PCDHGB3: variants seen among roughly 807,000 people sequenced by gnomAD.
The protein encoded by PCDHGB3 is protocadherin gamma-B3.
Under a neutral mutation model 59.2 loss-of-function variants are expected in PCDHGB3, and 40 were observed. The ratio of observed to expected loss-of-function variants is 0.68; its 90% CI spans 0.52 to 0.88. The LOEUF (loss-of-function observed/expected upper bound fraction) is 0.88, where lower values mean the gene tolerates loss of function less well. Among genes scored for constraint, PCDHGB3 ranks in the 40% least tolerant of loss-of-function variants. The pLI, the probability that PCDHGB3 is intolerant of heterozygous loss-of-function variation, is 0.00. For missense variants in PCDHGB3, 1,309 were observed against 1,187.9 expected (o/e 1.10, Z -1.50); for synonymous variants, 581 against 503.6 (o/e 1.15, Z -2.06).
chr5:141,413,302 T>C (rs746274089), intron 1 of PCDHGB3: 2 of 1,613,960 alleles, frequency 1.2e-6, no homozygotes, highest in Non-Finnish European at 8.5e-7. Context: ...TCCTGAGGAA[T>C]TAGAGAAAGG....
At position 141,371,107 on chromosome 5, in the gene PCDHGB3, A is replaced by AC. The variant is rs1370451724; in HGVS notation, c.719dup (p.Val241SerfsTer28). 8 of 1,613,532 alleles carry AC rather than the reference A, an allele frequency of 5.0e-6. No homozygotes were observed. The highest frequency in any genetic ancestry group is 2.2e-5 in the East Asian group (1 of 44,878). On this transcript the variant is annotated frameshift_variant, in exon 1 of 4. Coordinates refer to ENST00000576222, the MANE Select transcript of PCDHGB3 (RefSeq NM_018924.5). LOFTEE classifies it high-confidence loss of function. ...GTAATTGTCGCAGATGCAAATGATA[A>AC]CCCCCCAGTATTTACTCAGGACATG...
rs2099402935 is a variant in PCDHGB3, at chr5:141,476,991, G to A, written c.2416-17816G>A. On this transcript the variant is annotated intron_variant, in intron 1 of 3. Transcript: ENST00000576222. The surrounding 1 kb of genome is among the most constrained non-coding windows in gnomAD (Gnocchi z 7.6). ...GGCAGCCACAACCGCGCCGGCGTGC[G>A]GCAACTATTCGCCTTAGACCTTGTA... 4 of 1,614,094 alleles carry A rather than the reference G, an allele frequency of 2.5e-6. No homozygotes were observed. Among genetic ancestry groups the A allele is most frequent in the Non-Finnish European group, 3.4e-6 (4 of 1,180,056 alleles).
chr5:141,386,921 A>G (rs2090747482), intron 1 of PCDHGB3, among the ~76,000 whole-genome samples: 1 of 152,228 alleles, frequency 6.6e-6, no homozygotes. Flanking sequence ...GGAATGTAAA[A>G]TAAGTGCAGA....
chr5:141,434,440 T>C (rs1283641379), intron 1 of PCDHGB3, among the ~76,000 whole-genome samples: 2 of 152,238 alleles, frequency 1.3e-5, no homozygotes, highest in Non-Finnish European at 2.9e-5. Flanking sequence ...GTAATGCCCA[T>C]GCTGGAAGGT....
rs188373658 is a variant in PCDHGB3 at position 141,492,228 on chromosome 5, C to T, written c.2416-2579C>T. ...TGCGCGCGGGGCTCATGCGTGTCCT[C>T]CCTGCTGGCCACCCCCACGGCCCAC... On this transcript the variant is annotated intron_variant, in intron 1 of 3. Coordinates refer to ENST00000576222, the MANE Select transcript of PCDHGB3 (RefSeq NM_018924.5). Among the ~76,000 whole-genome samples the T allele has an allele frequency of 5.3e-5, 8 of 152,292 alleles. No individual in the cohort carries two copies. In the East Asian group the frequency reaches 1.2e-3, roughly 22 times the overall value.
intron 1 of PCDHGB3, chr5:141,397,890 A>G: frequency 3.2e-6 from 2 of 628,782 alleles, no homozygotes; most frequent in Non-Finnish European, 5.3e-6. Context: ...GCTGTTGGCC[A>G]AAGTGCAGAG....
chr5:141,405,124 G>A (rs1490821452), intron 1 of PCDHGB3: 2 of 1,614,020 alleles, frequency 1.2e-6, no homozygotes, highest in Admixed American at 3.3e-5. Context: ...CCTCGCATCT[G>A]CTGCGGGCTA....
At position 141,511,345 on chromosome 5, in the gene PCDHGB3, T is replaced by A; in HGVS notation, c.*172T>A. The A allele has an allele frequency of 7.8e-6, 11 of 1,410,508 alleles. No individual in the cohort carries two copies. The highest frequency in any genetic ancestry group is 1.0e-5 in the Non-Finnish European group (11 of 1,060,682). 87.4% of individuals were successfully genotyped at this position (1,410,508 alleles called of 1,614,324 possible). ...AAGTGCCCAGTCAGCACCTACCCCT[T>A]CCCCCCCAGGGGGTTGAATATGCAA... On this transcript the variant is annotated 3_prime_UTR_variant, in exon 4 of 4. Transcript: ENST00000576222.
intron 1 of PCDHGB3, chr5:141,409,367 G>A: frequency 1.9e-6 from 3 of 1,614,000 alleles, no homozygotes; most frequent in Non-Finnish European, 2.5e-6. Context: ...TATAGAAACA[G>A]ACATTCCATT....
chr5:141,445,302 A>C (rs2098462947), intron 1 of PCDHGB3, among the ~76,000 whole-genome samples: 1 of 152,220 alleles, frequency 6.6e-6, no homozygotes, highest in African/African-American at 2.4e-5. Flanking sequence ...CATTCTCTTC[A>C]GTTTGTAGGT....
rs1369821635 is a variant in PCDHGB3, at chr5:141,512,208, G to T, written c.*1035G>T. ...TTCAGTCCAAGGAAGCTCGAAGCAG[G>T]TTTAGGACCAGGTCCCCTTGAGAGG... On this transcript the variant is annotated 3_prime_UTR_variant, in exon 4 of 4. Coordinates refer to ENST00000576222, the MANE Select transcript of PCDHGB3 (RefSeq NM_018924.5). 6.5e-6 allele frequency: 1 copy of T among 152,758 alleles called. No homozygotes were observed. The highest frequency in any genetic ancestry group is 2.4e-5 in the African/African-American group (1 of 41,454). The allele number at this position is 152,758 out of a possible 1,614,324, so 9.5% of individuals were successfully genotyped here.
At position 141,419,726 on chromosome 5, in the gene PCDHGB3, A is replaced by AC. The variant is rs757890106; in HGVS notation, c.2415+46918dup. On this transcript the variant is annotated intron_variant, in intron 1 of 3. Coordinates refer to ENST00000576222, the MANE Select transcript of PCDHGB3 (RefSeq NM_018924.5). ...CGGGCTCTTCAGCCTGGGGCTGCGA[A>AC]CAGGCGAGGTGCGCATGGTGCGTGC... 3.1e-6 allele frequency: 5 copies of AC among 1,613,402 alleles called. No individual in the cohort carries two copies. The Admixed American group carries it at 8.3e-5, about 27-fold the overall frequency.
intron 1 of PCDHGB3, chr5:141,399,784 G>A: frequency 6.2e-7 from 1 of 1,613,288 alleles, no homozygotes; most frequent in Non-Finnish European, 8.5e-7. Context: ...CGACCGAAAC[G>A]ACAACGCACC....
chr5:141,423,106 G>T lies in PCDHGB3; in HGVS notation c.2415+50297G>T, dbSNP rs562864937. On this transcript the variant is annotated intron_variant, in intron 1 of 3. Coordinates refer to ENST00000576222, the MANE Select transcript of PCDHGB3 (RefSeq NM_018924.5). ...CGCGGTGGGGGAGCACACGGGCGAGGTGCGTACAGCGCGGGCACTGCTGGA... is the reference window on the plus strand; with the variant it reads ...CGCGGTGGGGGAGCACACGGGCGAGTTGCGTACAGCGCGGGCACTGCTGGA... The T allele has an allele frequency of 1.2e-5, 19 of 1,613,894 alleles. No individual in the cohort carries two copies. The African/African-American group carries it at 2.1e-4, about 18-fold the overall frequency.
intron 1 of PCDHGB3, chr5:141,405,288 T>C: frequency 6.2e-7 from 1 of 1,614,110 alleles, no homozygotes; most frequent in African/African-American, 1.3e-5. Context: ...GCAGACACAC[T>C]CATCAGCCAG....
rs1366394152 is a variant in PCDHGB3 at position 141,372,199 on chromosome 5, C to A, written c.1805C>A (p.Ala602Asp). 1 of 1,613,572 alleles carries A rather than the reference C, an allele frequency of 6.2e-7. No individual in the cohort carries two copies. The highest frequency in any genetic ancestry group is 8.5e-7 in the Non-Finnish European group (1 of 1,179,910). The change falls in exon 1 of 4, where the codon GCC (alanine) becomes GAC (aspartate). Residue 602 changes from alanine to aspartate, a missense_variant. Coordinates refer to ENST00000576222, the MANE Select transcript of PCDHGB3 (RefSeq NM_018924.5). ...VAVDADSGYN[A>D]WLSYHIVQAS... ...GTGGACGCAGACTCGGGATACAACGCCTGGCTGTCCTACCACATTGTGCAG... is the reference window on the plus strand; with the variant it reads ...GTGGACGCAGACTCGGGATACAACGACTGGCTGTCCTACCACATTGTGCAG...
intron 1 of PCDHGB3, among the ~76,000 whole-genome samples, chr5:141,405,840 A>G (rs1005736499): frequency 6.6e-6 from 1 of 152,188 alleles, no homozygotes; most frequent in African/African-American, 2.4e-5. Flanking sequence ...GTATAAGTTG[A>G]TATCAGTGTG....
At chr5:141,437,862 C>T (rs535370570) in intron 1 of PCDHGB3, among the ~76,000 whole-genome samples, 5 of 152,002 alleles carry the variant, frequency 3.3e-5, no homozygotes, top group African/African-American at 9.6e-5. Context: ...CTTAGCCTCC[C>T]GAGTAGCTGG....
At chr5:141,383,570 G>T in intron 1 of PCDHGB3, 2 of 1,613,234 alleles carry the variant, frequency 1.2e-6, no homozygotes, top group Non-Finnish European at 1.7e-6. Context: ...CCCCGATCCA[G>T]CACCGCCCAC....
Sources: gnomAD v4.1 joint callset for allele counts (sites outside exome capture counted in the v4.1 genomes callset) on GRCh38, gnomAD v4.1.1 for gene constraint, Gnocchi (gnomAD v3.1) non-coding constraint, MANE v1.5 for transcripts, NCBI Gene and HGNC (gene_info 2026-07-23, HGNC 2026-07-21) for gene names.